The following SPOCK1 variants were observed in gnomAD, a reference collection of about 807,000 sequenced individuals.
The protein encoded by SPOCK1 is testican-1.
Under a neutral mutation model 55.3 loss-of-function variants are expected in SPOCK1, and 23 were observed. That is an observed-to-expected ratio of 0.42 (90% CI 0.30 to 0.59). SPOCK1 has a LOEUF of 0.59. Ranked by LOEUF, SPOCK1 falls within the 20% of genes least tolerant of loss-of-function variation. SPOCK1 has a pLI of 0.22. For missense variants in SPOCK1, 499 were observed against 552.5 expected (o/e 0.90, Z 0.97); for synonymous variants, 226 against 221.0 (o/e 1.02, Z -0.20).
chr5:137,344,598 G>T (rs1020608500), intron 2 of SPOCK1, among the ~76,000 whole-genome samples: 1 of 152,170 alleles, frequency 6.6e-6, no homozygotes, highest in African/African-American at 2.4e-5. Context: ...TAGAGGTCAG[G>T]GATGCTGTTA....
chr5:137,390,298 G>T (rs1751690832), intron 2 of SPOCK1, among the ~76,000 whole-genome samples: 1 of 152,124 alleles, frequency 6.6e-6, no homozygotes. Context: ...AGCAAATAAA[G>T]GACATTTGTT....
chr5:137,397,552 G>C (rs916696295), intron 2 of SPOCK1, among the ~76,000 whole-genome samples: 1 of 152,030 alleles, frequency 6.6e-6, no homozygotes, highest in Non-Finnish European at 1.5e-5. Context: ...TTGTCCTCTC[G>C]CTCCTCACAA....
intron 2 of SPOCK1, among the ~76,000 whole-genome samples, chr5:137,415,350 G>A (rs1398887281): frequency 2.0e-5 from 3 of 152,212 alleles, no homozygotes; most frequent in Admixed American, 6.5e-5. Flanking sequence ...TTGTGAGGGA[G>A]GAGGAGAAAC....
At chr5:137,461,859 G>A (rs1356065849) in intron 2 of SPOCK1, among the ~76,000 whole-genome samples, 1 of 152,156 alleles carries the variant, frequency 6.6e-6, no homozygotes, top group African/African-American at 2.4e-5. Context: ...CCCCATTTCT[G>A]TAGCATTTGA....
At chr5:137,324,922 C>T (rs1182793291) in intron 2 of SPOCK1, among the ~76,000 whole-genome samples, 1 of 150,454 alleles carries the variant, frequency 6.6e-6, no homozygotes, top group Non-Finnish European at 1.5e-5. Flanking sequence ...AGACCATCAC[C>T]AACACTAAGC....
At chr5:137,185,981 G>A (rs987737023) in intron 3 of SPOCK1, among the ~76,000 whole-genome samples, 14 of 152,204 alleles carry the variant, frequency 9.2e-5, no homozygotes, top group South Asian at 8.3e-4. Context: ...GAAAGGCAGC[G>A]TATCGAAACA....
chr5:137,222,896 A>C (rs1446385897), intron 3 of SPOCK1, among the ~76,000 whole-genome samples: 1 of 152,232 alleles, frequency 6.6e-6, no homozygotes, highest in African/African-American at 2.4e-5. Context: ...ACAGATAGAC[A>C]AATAGCATCT....
chr5:137,233,810 A>G (rs750721462), intron 3 of SPOCK1, among the ~76,000 whole-genome samples: 70 of 149,650 alleles, frequency 4.7e-4, no homozygotes, highest in Admixed American at 1.9e-3. Context: ...TTTCCTTTAA[A>G]AAAAATTTCT....
intron 6 of SPOCK1, among the ~76,000 whole-genome samples, chr5:137,064,796 C>T (rs2127004790): frequency 6.6e-6 from 1 of 152,310 alleles, no homozygotes; most frequent in Non-Finnish European, 1.5e-5. Flanking sequence ...AAAGGTCAGC[C>T]TTCTCTTGCT....
At chr5:137,158,384 G>C (rs2127048924) in intron 3 of SPOCK1, among the ~76,000 whole-genome samples, 1 of 152,276 alleles carries the variant, frequency 6.6e-6, no homozygotes, top group Middle Eastern at 3.4e-3. Flanking sequence ...TGTGACAATT[G>C]AGTCACGTTC....
chr5:137,064,363 G>T (rs1439340323), intron 6 of SPOCK1, among the ~76,000 whole-genome samples: 2 of 152,098 alleles, frequency 1.3e-5, no homozygotes, highest in East Asian at 3.9e-4. Flanking sequence ...ACAACAGTTT[G>T]TGTGTGTGTA....
intron 2 of SPOCK1, among the ~76,000 whole-genome samples, chr5:137,403,815 A>G (rs1449753624): frequency 6.6e-6 from 1 of 152,046 alleles, no homozygotes; most frequent in African/African-American, 2.4e-5. Context: ...GGGTAACAGG[A>G]GGCCTGTCAT....
chr5:137,096,547 C>G (rs1315038080), intron 5 of SPOCK1, among the ~76,000 whole-genome samples: 1 of 152,128 alleles, frequency 6.6e-6, no homozygotes, highest in Non-Finnish European at 1.5e-5. Context: ...GAGAAATTAA[C>G]GCAGGCATAA....
At chr5:137,217,715 T>C (rs1755745317) in intron 3 of SPOCK1, among the ~76,000 whole-genome samples, 2 of 152,226 alleles carry the variant, frequency 1.3e-5, no homozygotes, top group Non-Finnish European at 2.9e-5. Flanking sequence ...TTACTGATCA[T>C]CTACTATGCA....
intron 2 of SPOCK1, among the ~76,000 whole-genome samples, chr5:137,432,094 A>C (rs1752759533): frequency 6.6e-6 from 1 of 152,234 alleles, no homozygotes; most frequent in South Asian, 2.1e-4. Context: ...TAAAACAAAA[A>C]CGAACCCAGA....
chr5:137,235,502 T>C (rs1460578156), intron 3 of SPOCK1, among the ~76,000 whole-genome samples: 3 of 152,234 alleles, frequency 2.0e-5, no homozygotes, highest in East Asian at 3.8e-4. Flanking sequence ...AAGAAAAACA[T>C]GCCCAGATAA....
rs992821784 is a variant in SPOCK1 at position 137,215,295 on chromosome 5, C to T, written c.232+51715G>A. 4.6e-5 allele frequency among the ~76,000 whole-genome samples: 7 copies of T among 152,194 alleles called. No homozygotes were observed. The South Asian group carries it at 6.2e-4, about 14-fold the overall frequency. ...AGGTGAAATGTCTTCCAGGCAGCCT[C>T]ACCCACTTGGTGAAATCACCCTGTA... On this transcript the variant is annotated intron_variant, in intron 3 of 10. Coordinates refer to ENST00000394945, the MANE Select transcript of SPOCK1 (RefSeq NM_004598.4).
intron 5 of SPOCK1, among the ~76,000 whole-genome samples, chr5:137,103,304 G>A (rs1463127577): frequency 6.6e-6 from 1 of 152,154 alleles, no homozygotes; most frequent in Non-Finnish European, 1.5e-5. Context: ...TTTTAATAAT[G>A]TAACTTTCCT....
Position 137,044,104 on chromosome 5 carries a change from A to G in SPOCK1, c.589+23611T>C, listed in dbSNP as rs576987337. ...TGACTTTGGGATATAGTAGAGCTTTATTGGACACCAGTTGCTGAACAGAAG... is the reference window on the plus strand; with the variant it reads ...TGACTTTGGGATATAGTAGAGCTTTGTTGGACACCAGTTGCTGAACAGAAG... On this transcript the variant is annotated intron_variant, in intron 6 of 10. Coordinates refer to ENST00000394945, the MANE Select transcript of SPOCK1 (RefSeq NM_004598.4). Among the ~76,000 whole-genome samples, 9 of 152,324 alleles carry G rather than the reference A, an allele frequency of 5.9e-5. No homozygotes were observed. The East Asian group carries it at 1.7e-3, about 29-fold the overall frequency.
Sources: allele counts gnomAD v4.1 joint callset (sites outside exome capture counted in the v4.1 genomes callset), GRCh38; gene constraint gnomAD v4.1.1; transcripts MANE v1.5; gene names NCBI Gene and HGNC (gene_info 2026-07-23, HGNC 2026-07-21).